The following LTA4H variants were observed in gnomAD, a reference collection of about 807,000 sequenced individuals.
LTA4H encodes the protein leukotriene A-4 hydrolase.
LTA4H carries 59 observed loss-of-function variants against 89.8 expected under a neutral mutation model. The ratio of observed to expected loss-of-function variants is 0.66; its 90% CI spans 0.53 to 0.82. LTA4H has a LOEUF of 0.82. Among genes scored for constraint, LTA4H ranks in the 40% least tolerant of loss-of-function variants. The probability of loss-of-function intolerance (pLI) is 0.00; values close to 1 mark genes in which losing one functional copy is unlikely to be tolerated. For missense variants in LTA4H, 617 were observed against 727.0 expected (o/e 0.85, Z 1.74); for synonymous variants, 227 against 253.1 (o/e 0.90, Z 0.98).
intron 16 of LTA4H, among the ~76,000 whole-genome samples, chr12:96,005,908 C>A (rs113903076): frequency 6.6e-6 from 1 of 151,868 alleles, no homozygotes; most frequent in Non-Finnish European, 1.5e-5. Flanking sequence ...CCACCATGCC[C>A]GGCTAATTTT....
At position 96,027,338 on chromosome 12, in the gene LTA4H, A is replaced by C. The variant is rs528084996; in HGVS notation, c.411+106T>G. ...TCTATAAGATCAATTAATACATTTT[A>C]TTAGGTAAAACCTACATAATCCATA... On this transcript the variant is annotated intron_variant, in intron 3 of 18. Coordinates refer to ENST00000228740, the MANE Select transcript of LTA4H (RefSeq NM_000895.3). 4.0e-5 allele frequency: 37 copies of C among 920,120 alleles called. No individual in the cohort carries two copies. The African/African-American group carries it at 6.3e-4, about 16-fold the overall frequency. 57.0% of individuals were successfully genotyped at this position (920,120 alleles called of 1,614,324 possible).
rs1423765506 is a variant in LTA4H at position 96,003,750 on chromosome 12, T to A, written c.1613+88A>T. 5 of 760,730 alleles carry A rather than the reference T, an allele frequency of 6.6e-6. No individual in the cohort carries two copies. In the East Asian group the frequency reaches 1.4e-4, roughly 21 times the overall value. The allele number at this position is 760,730 out of a possible 1,614,324, so 47.1% of individuals were successfully genotyped here. ...ACAAGGAATTCTCAAGACTCAAGTATGTCTCATACTCTGCATTCCCTTTCT... is the reference window on the plus strand; with the variant it reads ...ACAAGGAATTCTCAAGACTCAAGTAAGTCTCATACTCTGCATTCCCTTTCT... On this transcript the variant is annotated intron_variant, in intron 17 of 18. Coordinates refer to ENST00000228740, the MANE Select transcript of LTA4H (RefSeq NM_000895.3).
chr12:96,022,085 G>A lies in LTA4H; in HGVS notation c.585+62C>T, dbSNP rs893110024. 9.9e-7 allele frequency: 1 copy of A among 1,012,336 alleles called. No homozygotes were observed. Among genetic ancestry groups the A allele is most frequent in the Non-Finnish European group, 1.5e-6 (1 of 650,062 alleles). 62.7% of individuals were successfully genotyped at this position (1,012,336 alleles called of 1,614,324 possible). On this transcript the variant is annotated intron_variant, in intron 5 of 18. Coordinates refer to ENST00000228740, the MANE Select transcript of LTA4H (RefSeq NM_000895.3). The surrounding 1 kb of genome is among the most constrained non-coding windows in gnomAD (Gnocchi z 4.0). ...TCAAAAGTAATTTTGCCCTCTGGAT[G>A]TGTACAAGCTAACTGTAGTTTACCG...
chr12:96,033,178 T>A (rs896925432), intron 1 of LTA4H, among the ~76,000 whole-genome samples: 2 of 152,228 alleles, frequency 1.3e-5, no homozygotes, highest in African/African-American at 2.4e-5. Context: ...AGCAAAAAGC[T>A]ATAAAAATTT....
chr12:96,003,154 T>C, intron 17 of LTA4H, 90 bp from the exon 18 acceptor site: 1 of 787,726 alleles, frequency 1.3e-6, no homozygotes, highest in Non-Finnish European at 2.1e-6. Flanking sequence ...TCTGTAGTGA[T>C]ATGAATAACC....
At chr12:96,033,655 C>G (rs745646292) in intron 1 of LTA4H, among the ~76,000 whole-genome samples, 2 of 152,160 alleles carry the variant, frequency 1.3e-5, no homozygotes, top group Non-Finnish European at 2.9e-5. Context: ...GTTTGCTGCA[C>G]CCATCAACCC....
At chr12:96,029,743 T>C (rs1430467873) in intron 1 of LTA4H, among the ~76,000 whole-genome samples, 1 of 152,192 alleles carries the variant, frequency 6.6e-6, no homozygotes, top group Non-Finnish European at 1.5e-5. Flanking sequence ...GGACAACTGC[T>C]TTGGGCATGA....
chr12:96,008,959 C>G, intron 15 of LTA4H, 135 bp downstream of exon 15: 1 of 699,330 alleles, frequency 1.4e-6, no homozygotes. Flanking sequence ...TATAATATCA[C>G]CTTAGATAAA....
At chr12:96,013,329 A>G in intron 13 of LTA4H, 71 bp from the exon 14 acceptor site, 1 of 914,742 alleles carries the variant, frequency 1.1e-6, no homozygotes, top group South Asian at 1.4e-5. Flanking sequence ...TAAACTTGTA[A>G]GTCCTTAGAT....
At chr12:96,023,321 G>A (rs550199565) in intron 4 of LTA4H, among the ~76,000 whole-genome samples, 4 of 148,998 alleles carry the variant, frequency 2.7e-5, no homozygotes, top group South Asian at 2.3e-4. Flanking sequence ...GTGGTGATAC[G>A]TTATATATAT....
intron 1 of LTA4H, among the ~76,000 whole-genome samples, chr12:96,030,662 G>A (rs1189524933): frequency 6.6e-6 from 1 of 152,038 alleles, no homozygotes; most frequent in East Asian, 1.9e-4. Context: ...GTCAGGCCCT[G>A]GACTGGCAGA....
At chr12:96,040,490 T>C (rs1166398185), upstream of LTA4H, among the ~76,000 whole-genome samples, 1 of 152,240 alleles carries the variant, frequency 6.6e-6, no homozygotes, top group Non-Finnish European at 1.5e-5. Flanking sequence ...GGCATGTAAG[T>C]GGAATTGTCA....
At chr12:96,042,453 T>C (rs1004433017) in intron 1 of LTA4H, among the ~76,000 whole-genome samples, 1 of 152,072 alleles carries the variant, frequency 6.6e-6, no homozygotes, top group Non-Finnish European at 1.5e-5. Flanking sequence ...AACAAGTTTA[T>C]TGGGAGTCTG....
At chr12:96,002,117 A>T (rs375764666) in intron 18 of LTA4H, among the ~76,000 whole-genome samples, 2 of 152,282 alleles carry the variant, frequency 1.3e-5, no homozygotes, top group South Asian at 2.1e-4. Context: ...TTGGCCTCCC[A>T]AAGTGCTGGG....
At chr12:96,026,244 G>C (rs61937884) in intron 3 of LTA4H, among the ~76,000 whole-genome samples, 1,889 of 152,242 alleles carry the variant, frequency 0.012, 24 homozygotes, top group Non-Finnish European at 0.019. Flanking sequence ...TATTTCATTG[G>C]ATAAGGCCAA....
At chr12:96,014,483 G>T (rs1950347852) in intron 12 of LTA4H, among the ~76,000 whole-genome samples, 1 of 152,128 alleles carries the variant, frequency 6.6e-6, no homozygotes, top group Admixed American at 6.5e-5. Context: ...CCTAGAAAAT[G>T]ATCTGGAGCC....
intron 1 of LTA4H, among the ~76,000 whole-genome samples, chr12:96,031,880 T>C (rs1950578964): frequency 6.6e-6 from 1 of 152,254 alleles, no homozygotes; most frequent in Non-Finnish European, 1.5e-5. Context: ...AAAAGCTTTA[T>C]GCCTCATTAT....
In LTA4H at chr12:96,018,816, G is replaced by A. The variant is rs754918186; in HGVS notation, c.799C>T (p.Pro267Ser). ...CAAGGATTCTCCATGCCACCATAAG[G>A]GAAGGATGGTGGCAGGACCAATAGG... Reference protein sequence around the residue: ...YDLLVLPPSFPYGGMENPCLT... With the variant: ...YDLLVLPPSFSYGGMENPCLT... Residue 267 changes from proline (P) to serine (S), a missense_variant, in exon 8 of 19, where the codon CCT becomes TCT. Transcript: ENST00000228740. 6.2e-7 allele frequency: 1 copy of A among 1,602,772 alleles called. No individual in the cohort carries two copies. The highest frequency in any genetic ancestry group is 1.7e-5 in the Admixed American group (1 of 57,242).
chr12:96,019,884 G>A (rs1271131412), intron 6 of LTA4H, among the ~76,000 whole-genome samples: 2 of 149,010 alleles, frequency 1.3e-5, no homozygotes, highest in African/African-American at 2.5e-5. Context: ...ACAGGCGTGA[G>A]CCACCACGCC....
Sources: gnomAD v4.1 joint callset for allele counts (sites outside exome capture counted in the v4.1 genomes callset) on GRCh38, gnomAD v4.1.1 for gene constraint, Gnocchi (gnomAD v3.1) non-coding constraint, MANE v1.5 for transcripts, NCBI Gene and HGNC (gene_info 2026-07-23, HGNC 2026-07-21) for gene names.